Variants in ITGA1 observed in about 807,000 individuals in gnomAD.
The protein encoded by ITGA1 is integrin subunit alpha 1, also known as integrin alpha-1.
Under a neutral mutation model 145.9 loss-of-function variants are expected in ITGA1, and 85 were observed. The observed-to-expected ratio is 0.58, with a 90% confidence interval of 0.49 to 0.70. The LOEUF (loss-of-function observed/expected upper bound fraction) is 0.70. ITGA1 is among the 30% of genes least tolerant of loss of function. The pLI, the probability that ITGA1 is intolerant of heterozygous loss-of-function variation, is 0.00. For synonymous variants in ITGA1, 520 were observed against 495.3 expected (o/e 1.05, Z -0.66); for missense variants, 1,351 against 1,418.7 (o/e 0.95, Z 0.77).
intron 5 of ITGA1, 21 bp downstream of exon 5, chr5:52,865,103 T>C (rs1749666294): frequency 6.6e-7 from 1 of 1,525,174 alleles, no homozygotes. Context: ...TATGCAATGT[T>C]CTTGCATGTT....
At chr5:52,830,836 C>G (rs1749050461) in intron 1 of ITGA1, among the ~76,000 whole-genome samples, 1 of 152,192 alleles carries the variant, frequency 6.6e-6, no homozygotes, top group African/African-American at 2.4e-5. Context: ...GAAAGGCAAA[C>G]TGGGACCTCC....
chr5:52,935,809 C>G (rs12656098), intron 23 of ITGA1, among the ~76,000 whole-genome samples: 9,834 of 152,128 alleles, frequency 0.065, 558 homozygotes, highest in Admixed American at 0.18. Context: ...TATAAATATG[C>G]ATATATGCAA....
chr5:52,911,980 A>AGTGTAT (rs1561246715), intron 14 of ITGA1, among the ~76,000 whole-genome samples: 35 of 75,720 alleles, frequency 4.6e-4, no homozygotes, highest in African/African-American at 1.4e-3. Context: ...TACTATATAT[A>AGTGTAT]CTATATGTAT....
chr5:52,843,922 A>G (rs1462693562), intron 1 of ITGA1, among the ~76,000 whole-genome samples: 2 of 152,130 alleles, frequency 1.3e-5, no homozygotes, highest in East Asian at 3.8e-4. Flanking sequence ...CAAATTATTG[A>G]ATAGCTCAAT....
At chr5:52,878,562 T>A (rs1385791532) in intron 6 of ITGA1, among the ~76,000 whole-genome samples, 2 of 152,222 alleles carry the variant, frequency 1.3e-5, no homozygotes, top group Non-Finnish European at 2.9e-5. Context: ...AGTTGGCATC[T>A]CTTCAGCTCC....
intron 1 of ITGA1, among the ~76,000 whole-genome samples, chr5:52,788,906 A>AG (rs968232131): frequency 6.6e-6 from 1 of 152,192 alleles, no homozygotes; most frequent in Non-Finnish European, 1.5e-5. Flanking sequence ...AAGAAAAGGC[A>AG]GGGATGCAAG....
chr5:52,893,569 T>C, intron 8 of ITGA1, 106 bp from the exon 9 acceptor site: 1 of 928,946 alleles, frequency 1.1e-6, no homozygotes, highest in Non-Finnish European at 1.5e-6. Context: ...AAAAATTCCA[T>C]TATGCTAAGG....
At chr5:52,891,339 TG>T (rs1750145217) in intron 8 of ITGA1, among the ~76,000 whole-genome samples, 1 of 149,730 alleles carries the variant, frequency 6.7e-6, no homozygotes, top group Admixed American at 6.7e-5. Context: ...TCACTTAGAT[TG>T]CCAATTCTTG....
rs1233966688 is a variant in ITGA1, at chr5:52,905,834, C to T, written c.1381C>T (p.His461Tyr). The T allele has an allele frequency of 6.2e-7, 1 of 1,613,684 alleles. No individual in the cohort carries two copies. The highest frequency in any genetic ancestry group is 1.1e-5 in the South Asian group (1 of 91,024). The change falls in exon 12 of 29, where the codon CAT (histidine) becomes TAT (tyrosine). Residue 461 changes from histidine to tyrosine, a missense_variant. By Grantham distance (83) the His-to-Tyr change is moderately conservative. Transcript: ENST00000282588. The stretch of plus-strand genomic sequence containing the variant: ...TATTGCTGGACAGCCTCGGTACAAT[C>T]ATACAGGCCAGGTCATTATCTACAG... Reference protein sequence around the residue: ...LYIAGQPRYNHTGQVIIYRME... With the variant: ...LYIAGQPRYNYTGQVIIYRME...
At position 52,944,857 on chromosome 5, in the gene ITGA1, G is replaced by A. The variant is rs1405111580; in HGVS notation, c.3286-86G>A. ...TTTTTAATCTCTCAGAAAAATCTTA[G>A]CTTTTATAAATGTCCTACTCAAACA... On this transcript the variant is annotated intron_variant, in intron 26 of 28. Transcript: ENST00000282588. The A allele has an allele frequency of 1.5e-5, 13 of 892,806 alleles. No individual in the cohort carries two copies. The African/African-American group carries it at 1.5e-4, about 11-fold the overall frequency. The allele number at this position is 892,806 out of a possible 1,614,324, so 55.3% of individuals were successfully genotyped here. A position where few individuals can be genotyped will look rare whatever the true frequency, so the allele number is the denominator to read the frequency against.
intron 1 of ITGA1, among the ~76,000 whole-genome samples, chr5:52,809,218 T>C (rs750424291): frequency 3.3e-5 from 5 of 152,158 alleles, no homozygotes; most frequent in Non-Finnish European, 7.3e-5. Context: ...ACAGGGACTC[T>C]AATAGCCCCC....
intron 1 of ITGA1, chr5:52,802,587 A>G (rs1036615687): frequency 7.9e-5 from 12 of 152,200 alleles, no homozygotes; most frequent in Non-Finnish European, 1.2e-4. Flanking sequence ...AAATGAGATT[A>G]AAGTATGTGA....
At chr5:52,849,683 G>A (rs764411106) in intron 2 of ITGA1, among the ~76,000 whole-genome samples, 198 bp downstream of exon 2, 5 of 152,056 alleles carry the variant, frequency 3.3e-5, no homozygotes, top group East Asian at 3.9e-4. Flanking sequence ...TAGAGGAAGC[G>A]ATTAGTGATT....
intron 14 of ITGA1, among the ~76,000 whole-genome samples, chr5:52,911,527 CTATATAT>C (rs1750531591): frequency 9.4e-6 from 1 of 106,724 alleles, no homozygotes; most frequent in African/African-American, 3.6e-5. Flanking sequence ...GTATATATAT[CTATATAT>C]TAGATACATA....
chr5:52,896,064 G>T (rs142330293), intron 9 of ITGA1, among the ~76,000 whole-genome samples: 1 of 152,250 alleles, frequency 6.6e-6, no homozygotes, highest in Admixed American at 6.5e-5. Flanking sequence ...TCCATTTCCC[G>T]TTGAGCACTG....
intron 1 of ITGA1, among the ~76,000 whole-genome samples, chr5:52,811,093 C>T (rs1162636413): frequency 3.3e-5 from 5 of 152,106 alleles, no homozygotes; most frequent in South Asian, 2.1e-4. Flanking sequence ...AATAATTCAA[C>T]GATTATTTGC....
At chr5:52,919,050 T>C (rs767220756) in intron 16 of ITGA1, 152 bp downstream of exon 16, 17 of 639,438 alleles carry the variant, frequency 2.7e-5, no homozygotes, top group Non-Finnish European at 3.7e-5. Flanking sequence ...GAAAAAAAAT[T>C]CTGTTGCAAA....
intron 1 of ITGA1, among the ~76,000 whole-genome samples, chr5:52,838,528 G>A (rs541827944): frequency 1.3e-5 from 2 of 152,202 alleles, no homozygotes; most frequent in South Asian, 4.1e-4. Context: ...TTAGTCAGTT[G>A]AATTCCATCA....
intron 2 of ITGA1, among the ~76,000 whole-genome samples, chr5:52,854,320 T>G (rs1749474114): frequency 6.6e-6 from 1 of 152,290 alleles, no homozygotes; most frequent in South Asian, 2.1e-4. Flanking sequence ...GAGAGACATT[T>G]TAAGGGTTTA....
Sources: allele counts gnomAD v4.1 joint callset (sites outside exome capture counted in the v4.1 genomes callset), GRCh38; gene constraint gnomAD v4.1.1; transcripts MANE v1.5; gene names NCBI Gene and HGNC (gene_info 2026-07-23, HGNC 2026-07-21).